DHX16: variants seen among roughly 807,000 people sequenced by gnomAD.
DHX16 encodes the protein DEAH-box helicase 16.
A neutral mutation model predicts 131.2 loss-of-function variants in DHX16; 81 were observed. The observed-to-expected ratio is 0.62, with a 90% CI of 0.52 to 0.74. DHX16 has a LOEUF of 0.74. Among genes scored for constraint, DHX16 ranks in the 30% least tolerant of loss-of-function variants. The probability of loss-of-function intolerance (pLI) is 0.00; values close to 1 mark genes in which losing one functional copy is unlikely to be tolerated. For synonymous variants in DHX16, 440 were observed against 520.2 expected, an observed-to-expected ratio of 0.85 and a Z score of 2.10; for missense variants, 980 against 1,363.1, an observed-to-expected ratio of 0.72 and a Z score of 4.43.
chr6:30,655,675 G>T, intron 16 of DHX16, 78 bp from the exon 17 acceptor site: 2 of 1,507,890 alleles, frequency 1.3e-6, no homozygotes. Context: ...AGTGATCACT[G>T]TGTGATGGAT....
Position 30,655,341 on chromosome 6 carries a change from G to A in DHX16, c.2662-5C>T, listed in dbSNP as rs1170237360. ...AGAGTAACCACTCTCAGCCCACTGG[G>A]AAGACAGTTAAAAAGAAAGGAGAGA... On this transcript the variant is annotated splice_region_variant and splice_polypyrimidine_tract_variant and intron_variant, in intron 17 of 19. Coordinates refer to ENST00000376442, the MANE Select transcript of DHX16 (RefSeq NM_003587.5). 6.2e-6 allele frequency: 10 copies of A among 1,613,862 alleles called. No homozygotes were observed. Among genetic ancestry groups the A allele is most frequent in the African/African-American group, 1.3e-5 (1 of 74,890 alleles).
intron 9 of DHX16, chr6:30,661,827 CAG>C (rs1200999617): frequency 1.4e-6 from 1 of 717,870 alleles, no homozygotes; most frequent in Non-Finnish European, 2.6e-6. Flanking sequence ...ACATCTGCAT[CAG>C]ACACTCTTGC....
In DHX16 at chr6:30,672,669, G is replaced by A. The variant is rs759892161; in HGVS notation, c.173C>T (p.Pro58Leu). Reference sequence around the variant, plus strand: ...GAGTCTCAGGGCGAAGTCCCGGGCCGGCCCACTGAGATCCAAGGTATCAGT... The same window carrying A: ...GAGTCTCAGGGCGAAGTCCCGGGCCAGCCCACTGAGATCCAAGGTATCAGT... ...RDTDTLDLSGPARDFALRLWN... is the reference protein window; with the variant it reads ...RDTDTLDLSGLARDFALRLWN... Residue 58 changes from proline (P) to leucine (L), a missense_variant, in exon 1 of 20, where the codon CCG (proline) becomes CTG (leucine). Physicochemically the swap from Pro to Leu is moderately conservative, Grantham distance 98 (BLOSUM62 -3). This residue lies in a region of DHX16 where 457 missense variants were observed against 554.8 expected (regional missense o/e 0.82). Transcript: ENST00000376442. 2 of 1,612,672 alleles carry A rather than the reference G, an allele frequency of 1.2e-6. No homozygotes were observed. Among genetic ancestry groups the A allele is most frequent in the East Asian group, 2.2e-5 (1 of 44,872 alleles).
In DHX16 at chr6:30,655,206, G is replaced by GA; in HGVS notation, c.2791dup (p.Ser931PhefsTer48). 4 of 1,614,178 alleles carry GA rather than the reference G, an allele frequency of 2.5e-6. No individual in the cohort carries two copies. Among genetic ancestry groups the GA allele is most frequent in the Non-Finnish European group, 3.4e-6 (4 of 1,180,048 alleles). ...TACACGGATATAGTCCCCCTGGCAG[G>GA]AACTGAGACCAACTTCCACACGTTC... On this transcript the variant is annotated frameshift_variant, in exon 18 of 20. Transcript: ENST00000376442. LOFTEE classifies it high-confidence loss of function.
chr6:30,672,596 G>A (rs757326648), intron 1 of DHX16, 39 bp downstream of exon 1: 2 of 1,561,054 alleles, frequency 1.3e-6, no homozygotes, highest in African/African-American at 1.4e-5. Context: ...CAGCCTCACC[G>A]GGACAAATCA....
chr6:30,654,050 G>A (rs545420752), intron 19 of DHX16, among the ~76,000 whole-genome samples: 7 of 152,030 alleles, frequency 4.6e-5, no homozygotes, highest in South Asian at 2.1e-4. Flanking sequence ...AACCGAAGGC[G>A]GAGGTTGCAT....
In DHX16 at chr6:30,665,427, C is replaced by T. The variant is rs573719943; in HGVS notation, c.921+52G>A. The T allele has an allele frequency of 2.7e-5, 43 of 1,591,066 alleles. No individual in the cohort carries two copies. The African/African-American group carries it at 4.0e-4, about 15-fold the overall frequency. ...TGTTGCCCAATCCCCTGAAGCCTTC[C>T]CCACAACTTGTCTTGGGGACCAAGG... On this transcript the variant is annotated intron_variant, in intron 5 of 19. Coordinates refer to ENST00000376442, the MANE Select transcript of DHX16 (RefSeq NM_003587.5). The surrounding 1 kb of genome is among the most constrained non-coding windows in gnomAD (Gnocchi z 4.8).
Position 30,670,904 on chromosome 6 carries a change from T to C in DHX16, c.495A>G (p.Glu165=). 6 of 1,613,066 alleles carry C rather than the reference T, an allele frequency of 3.7e-6. No individual in the cohort carries two copies. Among genetic ancestry groups the C allele is most frequent in the Non-Finnish European group, 5.1e-6 (6 of 1,180,024 alleles). The change falls in exon 3 of 20, where the codon GAA becomes GAG. Residue 165 remains glutamate, a synonymous_variant. Coordinates refer to ENST00000376442, the MANE Select transcript of DHX16 (RefSeq NM_003587.5). This position sits in a 1 kb window ranked among gnomAD's most constrained non-coding sequence, Gnocchi z 4.4. ...TEKPESEDEW[E]RTERERLQDL... ...CCTGAAGGCGTTCACGCTCTGTCCG[T>C]TCCCACTCATCTTCCGACTCTGGCT...
chr6:30,670,704 A>C lies in DHX16; in HGVS notation c.609+86T>G. On this transcript the variant is annotated intron_variant, in intron 3 of 19. Coordinates refer to ENST00000376442, the MANE Select transcript of DHX16 (RefSeq NM_003587.5). The surrounding 1 kb of genome is among the most constrained non-coding windows in gnomAD (Gnocchi z 4.4). ...ACTAGAGACAGCCCCTTGTCTTCCC[A>C]GAGATCACTATCTCTGCACTCACAG... 1.3e-5 allele frequency: 21 copies of C among 1,557,828 alleles called. No individual in the cohort carries two copies. Among genetic ancestry groups the C allele is most frequent in the Non-Finnish European group, 1.7e-5 (19 of 1,141,436 alleles).
chr6:30,657,658 G>A (rs1768109212), intron 12 of DHX16, among the ~76,000 whole-genome samples: 2 of 151,944 alleles, frequency 1.3e-5, no homozygotes, highest in Admixed American at 6.6e-5. Context: ...ACACTGCTTT[G>A]CTCTGCCCAA....
At chr6:30,659,673 C>A (rs771392404) in intron 11 of DHX16, 49 bp from the exon 12 acceptor site, 24 of 1,612,974 alleles carry the variant, frequency 1.5e-5, no homozygotes, top group Non-Finnish European at 2.0e-5. Flanking sequence ...TCACAGAAGG[C>A]CAACATGCCG....
At chr6:30,666,479 G>A (rs1769054134) in intron 4 of DHX16, among the ~76,000 whole-genome samples, 1 of 152,154 alleles carries the variant, frequency 6.6e-6, no homozygotes, top group Non-Finnish European at 1.5e-5. Flanking sequence ...CATCCTCTCT[G>A]TGATCACAAC....
intron 7 of DHX16, 147 bp downstream of exon 7, chr6:30,664,654 G>A (rs953743141): frequency 4.2e-6 from 3 of 706,752 alleles, no homozygotes; most frequent in Non-Finnish European, 6.9e-6. Context: ...ATGTGAAAAG[G>A]GTATGGTCTT....
At position 30,660,115 on chromosome 6, in the gene DHX16, C is replaced by G. The variant is rs945266742; in HGVS notation, c.1672G>C (p.Ala558Pro). ...VLVASATMDTARFSTFFDDAP... is the reference protein window; with the variant it reads ...VLVASATMDTPRFSTFFDDAP... ...TCATCAAAGAAGGTGGAAAAACGGG[C>G]AGTGTCCATTGTGGCTGAAGCCACC... is the stretch of plus-strand genomic sequence containing the variant. The change falls in exon 10 of 20, where the codon GCC becomes CCC. Residue 558 changes from alanine to proline, a missense_variant. Ala to Pro is a conservative substitution (Grantham distance 27). This residue lies in a region of DHX16 where 309 missense variants were observed against 537.1 expected (regional missense o/e 0.58). Transcript: ENST00000376442. The G allele has an allele frequency of 2.5e-6, 4 of 1,612,158 alleles. No individual in the cohort carries two copies. Among genetic ancestry groups the G allele is most frequent in the African/African-American group, 1.3e-5 (1 of 74,904 alleles).
chr6:30,655,735 A>ATTAT, intron 16 of DHX16, 138 bp from the exon 17 acceptor site: 1 of 946,550 alleles, frequency 1.1e-6, no homozygotes, highest in Non-Finnish European at 1.6e-6. Flanking sequence ...CAAAGCAGCC[A>ATTAT]GCAGATAGAT....
intron 12 of DHX16, 119 bp from the exon 13 acceptor site, chr6:30,657,211 TTAG>T (rs1768070243): frequency 1.9e-6 from 2 of 1,040,608 alleles, no homozygotes; most frequent in East Asian, 5.2e-5. Flanking sequence ...GCTGAGGGAA[TTAG>T]TAGTATCCAA....
rs759883313 is a variant in DHX16, at chr6:30,656,517, G to A, written c.2312-8C>T. 4 of 1,614,164 alleles carry A rather than the reference G, an allele frequency of 2.5e-6. No individual in the cohort carries two copies. The highest frequency in any genetic ancestry group is 3.3e-5 in the Admixed American group (2 of 60,024). ...GCATTAGGTCATGGATCCCTAGAAAGAGGTGTGATGGATGGAACAGAGTCC... is the reference window on the plus strand; with the variant it reads ...GCATTAGGTCATGGATCCCTAGAAAAAGGTGTGATGGATGGAACAGAGTCC... On this transcript the variant is annotated splice_region_variant and splice_polypyrimidine_tract_variant and intron_variant, in intron 14 of 19. Transcript: ENST00000376442. This position sits in a 1 kb window ranked among gnomAD's most constrained non-coding sequence, Gnocchi z 5.1.
chr6:30,670,837 G>A lies in DHX16; in HGVS notation c.562C>T (p.Arg188Trp). The A allele has an allele frequency of 1.1e-5, 18 of 1,612,936 alleles. No individual in the cohort carries two copies. Among genetic ancestry groups the A allele is most frequent in the Non-Finnish European group, 9.3e-6 (11 of 1,180,030 alleles). The stretch of plus-strand genomic sequence containing the variant: ...ACATTTCGAGTCCGATCCTTGTCCC[G>A]CTGTCGAACCCGCTCAGCAAAGGCA... ...RDAFAERVRQ[R>W]DKDRTRNVLE... is the part of the protein sequence containing the mutation. Residue 188 changes from arginine to tryptophan, a missense_variant, in exon 3 of 20, where the codon CGG becomes TGG. Physicochemically the swap from Arg to Trp is moderately radical, Grantham distance 101. Coordinates refer to ENST00000376442, the MANE Select transcript of DHX16 (RefSeq NM_003587.5). The surrounding 1 kb of genome is among the most constrained non-coding windows in gnomAD (Gnocchi z 4.4).
Position 30,655,196 on chromosome 6 carries a change from C to T in DHX16, c.2802G>A (p.Gly934=), listed in dbSNP as rs767506844. ...RVEVGLSSCQ[G]DYIRVRKAIT... Reference sequence around the variant, plus strand: ...TGACCTTGCGTACACGGATATAGTCCCCCTGGCAGGAACTGAGACCAACTT... The same window carrying T: ...TGACCTTGCGTACACGGATATAGTCTCCCTGGCAGGAACTGAGACCAACTT... Residue 934 remains glycine (G), a synonymous_variant, in exon 18 of 20, where the codon GGG becomes GGA. Coordinates refer to ENST00000376442, the MANE Select transcript of DHX16 (RefSeq NM_003587.5). 5.6e-6 allele frequency: 9 copies of T among 1,614,000 alleles called. No individual in the cohort carries two copies. The highest frequency in any genetic ancestry group is 1.1e-5 in the South Asian group (1 of 91,078).
Sources: allele counts gnomAD v4.1 joint callset (sites outside exome capture counted in the v4.1 genomes callset), GRCh38; gene constraint gnomAD v4.1.1; regional missense constraint gnomAD v4.1.1; non-coding constraint Gnocchi (gnomAD v3.1); transcripts MANE v1.5; gene names NCBI Gene and HGNC (gene_info 2026-07-23, HGNC 2026-07-21).